Variants in SORCS3 observed in about 807,000 individuals in gnomAD.
SORCS3 encodes VPS10 domain-containing receptor SorCS3.
A neutral mutation model predicts 146.3 loss-of-function variants in SORCS3; 57 were observed. The ratio of observed to expected loss-of-function variants is 0.39; its 90% CI spans 0.31 to 0.49. The LOEUF is 0.49. Among genes scored for constraint, SORCS3 ranks in the 20% least tolerant of loss-of-function variants. SORCS3 has a pLI of 0.92. For missense variants in SORCS3, 1,341 were observed against 1,575.5 expected, an observed-to-expected ratio of 0.85 and a Z score of 2.52; for synonymous variants, 653 against 618.5, an observed-to-expected ratio of 1.06 and a Z score of -0.83.
chr10:104,670,379 A>T (rs948184903), intron 1 of SORCS3, among the ~76,000 whole-genome samples: 1 of 152,162 alleles, frequency 6.6e-6, no homozygotes, highest in Non-Finnish European at 1.5e-5. Context: ...GTTAATTTTT[A>T]TATACGGTGT....
Position 104,940,221 on chromosome 10 carries a change from TATATATATATATATA to T in SORCS3, c.795+24290_795+24304del, listed in dbSNP as rs1564717812. Among the ~76,000 whole-genome samples, 6 of 15,260 alleles carry T rather than the reference TATATATATATATATA, an allele frequency of 3.9e-4. 1 individual carries two copies. The highest frequency in any genetic ancestry group is 5.6e-4 in the Non-Finnish European group (5 of 8,942). The allele number at this position is 15,260 out of a possible 152,430, so 10.0% of individuals were successfully genotyped here. ...CTTTTCTTTTATATATATATATATATATATATATATATATATATTTTTTTTTTTTTTTTTATTATA... is the reference window on the plus strand; with the variant it reads ...CTTTTCTTTTATATATATATATATATTATTTTTTTTTTTTTTTTTATTATA... On this transcript the variant is annotated intron_variant, in intron 3 of 26. Coordinates refer to ENST00000369701, the MANE Select transcript of SORCS3 (RefSeq NM_014978.3).
At chr10:104,863,654 T>A (rs1182946950) in intron 2 of SORCS3, among the ~76,000 whole-genome samples, 1 of 152,198 alleles carries the variant, frequency 6.6e-6, no homozygotes, top group Non-Finnish European at 1.5e-5. Flanking sequence ...GTTAGGAGTC[T>A]GTTGAAAGCC....
chr10:105,028,838 A>G (rs1007410329), intron 4 of SORCS3, among the ~76,000 whole-genome samples: 34 of 152,280 alleles, frequency 2.2e-4, no homozygotes, highest in Middle Eastern at 3.4e-3. Context: ...CCAAGCCAGG[A>G]GGCACTCAGG....
intron 3 of SORCS3, among the ~76,000 whole-genome samples, chr10:104,967,963 T>TC (rs1464315938): frequency 2.6e-5 from 4 of 152,072 alleles, no homozygotes; most frequent in Non-Finnish European, 4.4e-5. Context: ...CCTGGCCTTA[T>TC]CCTGGGTAAT....
chr10:105,033,264 T>C (rs1564738977), intron 4 of SORCS3, among the ~76,000 whole-genome samples: 1 of 152,202 alleles, frequency 6.6e-6, no homozygotes, highest in East Asian at 1.9e-4. Context: ...ATTAATTTGT[T>C]TTTCTTTCAA....
At chr10:105,107,117 G>A (rs925529878) in intron 7 of SORCS3, among the ~76,000 whole-genome samples, 1 of 152,058 alleles carries the variant, frequency 6.6e-6, no homozygotes, top group Non-Finnish European at 1.5e-5. Flanking sequence ...GAACCAACAG[G>A]TCACCCTTGA....
chr10:105,192,073 A>G (rs1484238), intron 14 of SORCS3, among the ~76,000 whole-genome samples: 51,135 of 151,894 alleles, frequency 0.34, 8,724 homozygotes, highest in South Asian at 0.48. Context: ...TTTATATTCT[A>G]TATGACTTCC....
intron 4 of SORCS3, among the ~76,000 whole-genome samples, chr10:105,030,218 A>G (rs754256936): frequency 1.3e-5 from 2 of 152,322 alleles, no homozygotes; most frequent in Admixed American, 6.5e-5. Flanking sequence ...GCTCACATAT[A>G]TATGGGTGAT....
intron 1 of SORCS3, among the ~76,000 whole-genome samples, chr10:104,714,159 C>G (rs1429620768): frequency 6.6e-6 from 1 of 151,966 alleles, no homozygotes. Context: ...TGGTTATCTT[C>G]ATGAGATATT....
At chr10:105,113,806 T>C (rs1389215272) in intron 7 of SORCS3, among the ~76,000 whole-genome samples, 1 of 152,144 alleles carries the variant, frequency 6.6e-6, no homozygotes, top group African/African-American at 2.4e-5. Context: ...TGGGGTTTTG[T>C]AGCAAAATCA....
At chr10:104,986,566 C>T (rs562107222) in intron 4 of SORCS3, among the ~76,000 whole-genome samples, 2 of 152,288 alleles carry the variant, frequency 1.3e-5, no homozygotes, top group South Asian at 2.1e-4. Context: ...TGGCTTTCAA[C>T]GTGCCTTCCT....
At chr10:104,794,187 A>G (rs1294167884) in intron 1 of SORCS3, among the ~76,000 whole-genome samples, 1 of 152,134 alleles carries the variant, frequency 6.6e-6, no homozygotes, top group Non-Finnish European at 1.5e-5. Context: ...CACGATTCCA[A>G]ATACTTTGTA....
chr10:105,200,884 C>T (rs1379206207), intron 15 of SORCS3, among the ~76,000 whole-genome samples: 1 of 152,176 alleles, frequency 6.6e-6, no homozygotes, highest in Non-Finnish European at 1.5e-5. Context: ...ATGTAGACAT[C>T]ACTGGCTTGG....
intron 1 of SORCS3, among the ~76,000 whole-genome samples, chr10:104,774,537 G>C (rs375779091): frequency 9.8e-4 from 149 of 152,276 alleles, no homozygotes; most frequent in Admixed American, 2.2e-3. Flanking sequence ...GGCTTTCGCG[G>C]GTGATTAATT....
At chr10:105,224,676 CTGGTTGGACCATTT>C (rs1227007259) in intron 20 of SORCS3, among the ~76,000 whole-genome samples, 2 of 152,164 alleles carry the variant, frequency 1.3e-5, no homozygotes, top group African/African-American at 4.8e-5. Flanking sequence ...GTCTTCCAAA[CTGGTTGGACCATTT>C]TGGATTTCCA....
At chr10:104,660,418 A>G (rs2015686268) in intron 1 of SORCS3, among the ~76,000 whole-genome samples, 1 of 152,162 alleles carries the variant, frequency 6.6e-6, no homozygotes, top group Admixed American at 6.5e-5. Context: ...ACTTCTAGGG[A>G]CAGAAGAAAA....
chr10:105,005,813 T>G (rs1432998232), intron 4 of SORCS3, among the ~76,000 whole-genome samples: 1 of 152,204 alleles, frequency 6.6e-6, no homozygotes, highest in Non-Finnish European at 1.5e-5. Flanking sequence ...ATGCCAGACT[T>G]GTTCATTTAA....
At chr10:104,716,242 T>C (rs534425090) in intron 1 of SORCS3, among the ~76,000 whole-genome samples, 1 of 152,310 alleles carries the variant, frequency 6.6e-6, no homozygotes, top group Middle Eastern at 3.4e-3. Context: ...GAATATAAGA[T>C]ACACGAGGAC....
chr10:104,960,755 C>CA (rs779465440), intron 3 of SORCS3, among the ~76,000 whole-genome samples: 8 of 152,226 alleles, frequency 5.3e-5, no homozygotes, highest in East Asian at 1.9e-4. Context: ...TAAACCATAG[C>CA]AATCCCTTAA....
Sources: allele counts gnomAD v4.1 joint callset (sites outside exome capture counted in the v4.1 genomes callset), GRCh38; gene constraint gnomAD v4.1.1; transcripts MANE v1.5; gene names NCBI Gene and HGNC (gene_info 2026-07-23, HGNC 2026-07-21).